The following MAPKAP1 variants were observed in gnomAD, a reference collection of about 807,000 sequenced individuals.
MAPKAP1 encodes the protein target of rapamycin complex 2 subunit MAPKAP1.
In MAPKAP1, 20 loss-of-function variants were observed where a neutral mutation model predicts 65.7. That is an observed-to-expected ratio of 0.30 (90% confidence interval 0.21 to 0.44). MAPKAP1 has a LOEUF of 0.44. Among genes scored for constraint, MAPKAP1 ranks in the 20% least tolerant of loss-of-function variants. MAPKAP1 has a pLI of 1.00. For missense variants in MAPKAP1, 423 were observed against 648.0 expected (o/e 0.65, Z 3.77); for synonymous variants, 222 against 244.3 (o/e 0.91, Z 0.85).
At chr9:125,704,881 A>G (rs1477990992) in intron 1 of MAPKAP1, among the ~76,000 whole-genome samples, 2 of 152,178 alleles carry the variant, frequency 1.3e-5, no homozygotes, top group Admixed American at 1.3e-4. Context: ...AATATTCACA[A>G]CACTCCATGT....
intron 3 of MAPKAP1, among the ~76,000 whole-genome samples, chr9:125,663,205 A>T (rs1834239180): frequency 6.6e-6 from 1 of 152,194 alleles, no homozygotes; most frequent in South Asian, 2.1e-4. Context: ...GACTTCTCTG[A>T]TCCCACTCTT....
At chr9:125,565,741 C>CAAAAA (rs71374275) in intron 5 of MAPKAP1, 75 of 149,100 alleles carry the variant, frequency 5.0e-4, no homozygotes, top group East Asian at 2.9e-3. Context: ...TTCTCTCCTG[C>CAAAAA]AAAAAAAAAA....
intron 8 of MAPKAP1, among the ~76,000 whole-genome samples, chr9:125,489,722 G>C (rs1039524006): frequency 3.3e-5 from 5 of 152,180 alleles, no homozygotes; most frequent in Admixed American, 2.6e-4. Context: ...CAGGCAAAGG[G>C]AAGCAGAGAG....
In MAPKAP1 at chr9:125,651,997, A is replaced by C. The variant is rs1833907438; in HGVS notation, c.498+5654T>G. The C allele has an allele frequency of 6.2e-6, 4 of 643,126 alleles. No individual in the cohort carries two copies. In the Admixed American group the frequency reaches 1.9e-4, roughly 30 times the overall value. The allele number at this position is 643,126 out of a possible 1,614,324, so 39.8% of individuals were successfully genotyped here. ...CTTTGGGAAAGAGATCCAGAAGCAA[A>C]CGTAGTTTAACATATTAGAAGGGAC... On this transcript the variant is annotated intron_variant, in intron 4 of 11. Coordinates refer to ENST00000265960, the MANE Select transcript of MAPKAP1 (RefSeq NM_001006617.3).
intron 4 of MAPKAP1, among the ~76,000 whole-genome samples, chr9:125,591,176 G>A (rs1167816133): frequency 1.3e-5 from 2 of 152,216 alleles, no homozygotes; most frequent in East Asian, 1.9e-4. Context: ...CAAACCTCAT[G>A]TCAGCCTGAC....
chr9:125,483,075 C>T (rs1211467759), intron 9 of MAPKAP1, among the ~76,000 whole-genome samples: 1 of 152,194 alleles, frequency 6.6e-6, no homozygotes, highest in Non-Finnish European at 1.5e-5. Context: ...CTCTGAGCAC[C>T]ACACTCTACT....
At chr9:125,513,658 C>A (rs978944261) in intron 7 of MAPKAP1, among the ~76,000 whole-genome samples, 1 of 152,170 alleles carries the variant, frequency 6.6e-6, no homozygotes, top group African/African-American at 2.4e-5. Context: ...GCAAAGTGCT[C>A]GGTCAATGAG....
chr9:125,654,631 G>A (rs1833981622), intron 4 of MAPKAP1, among the ~76,000 whole-genome samples: 1 of 152,044 alleles, frequency 6.6e-6, no homozygotes, highest in African/African-American at 2.4e-5. Flanking sequence ...GTTTTAAAAA[G>A]CTTTTTATAA....
Position 125,510,841 on chromosome 9 carries a change from T to C in MAPKAP1, c.959-4424A>G, listed in dbSNP as rs537786405. Among the ~76,000 whole-genome samples, 5 of 152,332 alleles carry C rather than the reference T, an allele frequency of 3.3e-5. No homozygotes were observed. The East Asian group carries it at 9.6e-4, about 29-fold the overall frequency. ...AGAAAGATTATAGTATTTTACACATTTTCCCTCCAAAAAGGCCAGGATGAT... is the reference window on the plus strand; with the variant it reads ...AGAAAGATTATAGTATTTTACACATCTTCCCTCCAAAAAGGCCAGGATGAT... On this transcript the variant is annotated intron_variant, in intron 7 of 11. Coordinates refer to ENST00000265960, the MANE Select transcript of MAPKAP1 (RefSeq NM_001006617.3).
At chr9:125,676,089 T>C (rs998031617) in intron 1 of MAPKAP1, among the ~76,000 whole-genome samples, 4 of 152,126 alleles carry the variant, frequency 2.6e-5, no homozygotes, top group African/African-American at 7.2e-5. Flanking sequence ...TGTGCACAGA[T>C]CAAAAAGATT....
intron 9 of MAPKAP1, among the ~76,000 whole-genome samples, chr9:125,468,479 G>A (rs1401871389): frequency 6.6e-6 from 1 of 152,228 alleles, no homozygotes; most frequent in East Asian, 1.9e-4. Context: ...TTAAAAAACA[G>A]TTTTGATTGG....
intron 4 of MAPKAP1, among the ~76,000 whole-genome samples, chr9:125,615,140 C>A (rs1381883723): frequency 1.3e-5 from 2 of 151,936 alleles, no homozygotes; most frequent in Admixed American, 6.6e-5. Flanking sequence ...TAAATAAAAT[C>A]TTGAAAGTAG....
At chr9:125,456,379 T>G (rs1345550583) in intron 10 of MAPKAP1, among the ~76,000 whole-genome samples, 14 of 152,204 alleles carry the variant, frequency 9.2e-5, no homozygotes, top group East Asian at 1.9e-4. Context: ...CTCTAATCTC[T>G]TCATCCATTT....
intron 4 of MAPKAP1, among the ~76,000 whole-genome samples, chr9:125,644,773 T>G (rs2131721110): frequency 6.6e-6 from 1 of 152,330 alleles, no homozygotes; most frequent in South Asian, 2.1e-4. Flanking sequence ...GTAGCAAAAC[T>G]GACAAAAATT....
chr9:125,474,667 A>C (rs112930188), intron 9 of MAPKAP1, among the ~76,000 whole-genome samples: 1,941 of 152,144 alleles, frequency 0.013, 23 homozygotes, highest in Middle Eastern at 0.034. Context: ...CCCCTATGGT[A>C]CTCTTAAAAT....
At chr9:125,678,391 C>T (rs1264448154) in intron 1 of MAPKAP1, among the ~76,000 whole-genome samples, 3 of 151,994 alleles carry the variant, frequency 2.0e-5, no homozygotes, top group African/African-American at 4.8e-5. Context: ...TACAGGCGCC[C>T]GCCACCACGC....
chr9:125,693,684 C>CAT (rs1254794787), intron 1 of MAPKAP1, among the ~76,000 whole-genome samples: 1 of 130,298 alleles, frequency 7.7e-6, no homozygotes, highest in African/African-American at 3.0e-5. Flanking sequence ...CGTATATATA[C>CAT]ACGTATATAT....
chr9:125,570,828 T>C (rs1170245608), intron 5 of MAPKAP1, among the ~76,000 whole-genome samples: 1 of 152,136 alleles, frequency 6.6e-6, no homozygotes, highest in Non-Finnish European at 1.5e-5. Flanking sequence ...ACATATTGGC[T>C]AAAGTTAAAG....
intron 11 of MAPKAP1, among the ~76,000 whole-genome samples, chr9:125,441,019 T>A (rs541549092): frequency 6.6e-6 from 1 of 152,220 alleles, no homozygotes; most frequent in Admixed American, 6.5e-5. Context: ...AATGGAAGAT[T>A]AATGTAATAA....
Sources: gnomAD v4.1 joint callset for allele counts (sites outside exome capture counted in the v4.1 genomes callset) on GRCh38, gnomAD v4.1.1 for gene constraint, MANE v1.5 for transcripts, NCBI Gene and HGNC (gene_info 2026-07-23, HGNC 2026-07-21) for gene names.